CUX1: variants seen among roughly 807,000 people sequenced by gnomAD.
CUX1 encodes the protein protein CASP.
CUX1 carries 31 observed loss-of-function variants against 158.8 expected under a neutral mutation model. The ratio of observed to expected loss-of-function variants is 0.20; its 90% confidence interval spans 0.15 to 0.26. CUX1 has a LOEUF of 0.26. Among genes scored for constraint, CUX1 ranks in the 10% least tolerant of loss-of-function variants. CUX1 has a pLI of 1.00. For missense variants in CUX1, 1,589 were observed against 2,014.6 expected, an observed-to-expected ratio of 0.79 and a Z score of 4.04; for synonymous variants, 879 against 862.1, an observed-to-expected ratio of 1.02 and a Z score of -0.34.
At chr7:102,235,067 G>A (rs1271826055) in intron 22 of CUX1, among the ~76,000 whole-genome samples, 3 of 152,176 alleles carry the variant, frequency 2.0e-5, no homozygotes, top group Non-Finnish European at 4.4e-5. Context: ...CCAGCCTCTG[G>A]GGATTTGGCC....
At chr7:102,013,007 G>T (rs556388387) in intron 2 of CUX1, among the ~76,000 whole-genome samples, 1 of 152,088 alleles carries the variant, frequency 6.6e-6, no homozygotes, top group South Asian at 2.1e-4. Flanking sequence ...AAATTCTTGC[G>T]GTAATCCTTA....
intron 1 of CUX1, among the ~76,000 whole-genome samples, chr7:101,842,942 G>A (rs1310277336): frequency 2.8e-5 from 4 of 141,536 alleles, no homozygotes; most frequent in African/African-American, 5.3e-5. Context: ...GCGCGATCTC[G>A]GCTCACTCCA....
At chr7:101,865,574 G>C (rs536144211) in intron 1 of CUX1, among the ~76,000 whole-genome samples, 1 of 152,326 alleles carries the variant, frequency 6.6e-6, no homozygotes, top group East Asian at 1.9e-4. Context: ...CCCTGTCAGA[G>C]AGCAATGACA....
At chr7:101,975,741 C>A (rs1036970378) in intron 2 of CUX1, among the ~76,000 whole-genome samples, 1 of 152,164 alleles carries the variant, frequency 6.6e-6, no homozygotes, top group Non-Finnish European at 1.5e-5. Flanking sequence ...GCTGTCTTTC[C>A]GTGTGTTTGT....
At chr7:102,150,670 T>C (rs1835548667) in intron 8 of CUX1, among the ~76,000 whole-genome samples, 1 of 152,202 alleles carries the variant, frequency 6.6e-6, no homozygotes, top group Non-Finnish European at 1.5e-5. Context: ...TGAAAGTAAA[T>C]ACTAGAATTT....
intron 3 of CUX1, among the ~76,000 whole-genome samples, chr7:102,066,085 G>A (rs571981570): frequency 1.3e-5 from 2 of 152,208 alleles, no homozygotes; most frequent in South Asian, 2.1e-4. Context: ...CACCACGCCC[G>A]GCTCAGTGGA....
intron 2 of CUX1, among the ~76,000 whole-genome samples, chr7:101,956,422 A>G (rs1443616410): frequency 6.6e-6 from 1 of 152,210 alleles, no homozygotes; most frequent in East Asian, 1.9e-4. Context: ...AATCTGACTC[A>G]TAAAAGGATA....
intron 3 of CUX1, among the ~76,000 whole-genome samples, chr7:102,048,292 G>T (rs948358907): frequency 6.6e-6 from 1 of 152,086 alleles, no homozygotes; most frequent in South Asian, 2.1e-4. Context: ...TGCCACCCTC[G>T]TGCCACTGTA....
intron 17 of CUX1, 55 bp downstream of exon 17, chr7:102,200,227 A>T (rs1480395643): frequency 1.4e-6 from 2 of 1,433,192 alleles, no homozygotes; most frequent in African/African-American, 1.4e-5. Context: ...GAGAATTGTC[A>T]TGAGTGCTCT....
chr7:101,954,116 C>T (rs778989976), intron 2 of CUX1, among the ~76,000 whole-genome samples: 44 of 152,116 alleles, frequency 2.9e-4, no homozygotes, highest in Non-Finnish European at 4.6e-4. Context: ...ACCTGAGACA[C>T]GAGTTTATGT....
At chr7:102,037,354 C>CTTTTTT (rs769552921) in intron 3 of CUX1, among the ~76,000 whole-genome samples, 1 of 139,454 alleles carries the variant, frequency 7.2e-6, no homozygotes, top group Non-Finnish European at 1.6e-5. Context: ...CTTTTCTTTT[C>CTTTTTT]TTTTTTTTTT....
At chr7:102,124,613 T>C (rs1293148788) in intron 8 of CUX1, among the ~76,000 whole-genome samples, 1 of 152,162 alleles carries the variant, frequency 6.6e-6, no homozygotes, top group Non-Finnish European at 1.5e-5. Context: ...ATCTCACTCA[T>C]GTAAAACGTT....
chr7:102,277,915 TC>T, intron 17 of CUX1: 1 of 1,171,428 alleles, frequency 8.5e-7, no homozygotes, highest in Non-Finnish European at 1.2e-6. Context: ...CGGAGGCCTC[TC>T]CCCCACCCCT....
chr7:102,278,689 A>AAAAT (rs1468616037), intron 18 of CUX1, among the ~76,000 whole-genome samples: 2 of 141,178 alleles, frequency 1.4e-5, no homozygotes, highest in African/African-American at 5.5e-5. Context: ...TAAAATAAAT[A>AAAAT]AAATAAAATA....
At chr7:102,172,264 G>A (rs1791811830) in intron 10 of CUX1, among the ~76,000 whole-genome samples, 1 of 152,012 alleles carries the variant, frequency 6.6e-6, no homozygotes, top group Non-Finnish European at 1.5e-5. Context: ...GCTAATTTTT[G>A]TATTATTTGT....
intron 1 of CUX1, among the ~76,000 whole-genome samples, chr7:101,851,627 C>T (rs2970459): frequency 0.46 from 70,580 of 151,954 alleles, 17,020 homozygotes; most frequent in Middle Eastern, 0.59. Flanking sequence ...CCGTCAAGGG[C>T]GTTCTGCATT....
rs1795257590 is a variant in CUX1, at chr7:102,200,107, G to T, written c.1997G>T (p.Gly666Val). Residue 666 changes from glycine to valine, a missense_variant, in exon 17 of 24, where the codon GGC (glycine) becomes GTC (valine). Gly to Val is a moderately radical substitution (Grantham distance 109). This residue lies in a region of CUX1 where 337 missense variants were observed against 409.3 expected (regional missense o/e 0.82). Transcript: ENST00000292535. ...ACCCGGATCCGAGCCTCGGAGACTG[G>T]CTCTGATGAAGCCATCAAGTCCATC... is the stretch of plus-strand genomic sequence containing the variant. The part of the protein sequence containing the change: ...ITTRIRASET[G>V]SDEAIKSILE... The T allele has an allele frequency of 6.2e-7, 1 of 1,613,542 alleles. No homozygotes were observed. The highest frequency in any genetic ancestry group is 1.1e-5 in the South Asian group (1 of 90,972).
At position 102,254,814 on chromosome 7, in the gene CUX1, T is replaced by A. The variant is rs1789713992; in HGVS notation, c.*5772T>A. ...GATCTCAGCGTGTACTGAATGCCAG[T>A]CTGGCCGGCACACTCGAACGCTAAG... On this transcript the variant is annotated 3_prime_UTR_variant, in exon 24 of 24. Transcript: ENST00000292535. The A allele has an allele frequency of 1.0e-6, 1 of 985,450 alleles. No individual in the cohort carries two copies. 61.0% of individuals were successfully genotyped at this position (985,450 alleles called of 1,614,324 possible).
chr7:101,950,858 G>T (rs1808980087), intron 2 of CUX1, among the ~76,000 whole-genome samples: 1 of 152,082 alleles, frequency 6.6e-6, no homozygotes, highest in African/African-American at 2.4e-5. Flanking sequence ...TTTACTATCT[G>T]ACCCTTTCCA....
Sources: gnomAD v4.1 joint callset for allele counts (sites outside exome capture counted in the v4.1 genomes callset) on GRCh38, gnomAD v4.1.1 for gene constraint, gnomAD v4.1.1 regional missense constraint, MANE v1.5 for transcripts, NCBI Gene and HGNC (gene_info 2026-07-23, HGNC 2026-07-21) for gene names.